EBF3: variants seen among roughly 807,000 people sequenced by gnomAD.
EBF3 encodes transcription factor COE3.
A neutral mutation model predicts 77.1 loss-of-function variants in EBF3; 18 were observed. The ratio of observed to expected loss-of-function variants is 0.23; its 90% CI spans 0.16 to 0.35. EBF3 has a LOEUF of 0.35. EBF3 is among the 10% of genes least tolerant of loss of function. The pLI, the probability that EBF3 is intolerant of heterozygous loss-of-function variation, is 1.00. For missense variants in EBF3, 558 were observed against 860.0 expected, an observed-to-expected ratio of 0.65 and a Z score of 4.39; for synonymous variants, 350 against 343.5, an observed-to-expected ratio of 1.02 and a Z score of -0.21.
chr10:129,946,204 C>T (rs1028611270), intron 6 of EBF3, among the ~76,000 whole-genome samples: 14 of 152,204 alleles, frequency 9.2e-5, no homozygotes, highest in African/African-American at 3.4e-4. Flanking sequence ...CGCGCGGACC[C>T]GCCCTGGCGA....
intron 6 of EBF3, among the ~76,000 whole-genome samples, chr10:129,887,672 G>A (rs376107288): frequency 1.6e-4 from 24 of 152,148 alleles, no homozygotes; most frequent in African/African-American, 5.6e-4. Flanking sequence ...ATAATTCAGG[G>A]TGAGAGATGG....
At chr10:129,889,006 CT>C (rs993498626) in intron 6 of EBF3, among the ~76,000 whole-genome samples, 1 of 152,228 alleles carries the variant, frequency 6.6e-6, no homozygotes, top group Non-Finnish European at 1.5e-5. Context: ...CCGGGAACCC[CT>C]GTCCCCTCCC....
intron 6 of EBF3, among the ~76,000 whole-genome samples, chr10:129,942,876 G>A (rs963335410): frequency 2.6e-5 from 4 of 152,208 alleles, no homozygotes; most frequent in Non-Finnish European, 5.9e-5. Flanking sequence ...AATTTTCTGT[G>A]CAGAACGCTC....
intron 8 of EBF3, among the ~76,000 whole-genome samples, chr10:129,868,626 C>A (rs1039680582): frequency 6.6e-6 from 1 of 151,896 alleles, no homozygotes; most frequent in African/African-American, 2.4e-5. Context: ...GTTGGGGGCA[C>A]ACAGACAGCA....
At chr10:129,926,369 G>A (rs1036405058) in intron 6 of EBF3, among the ~76,000 whole-genome samples, 1 of 152,220 alleles carries the variant, frequency 6.6e-6, no homozygotes, top group Admixed American at 6.5e-5. Context: ...ACACGGCCTG[G>A]CTGGTGTGAA....
rs1851609542 is a variant in EBF3 at position 129,861,189 on chromosome 10, G to A, written c.1039+5952C>T. 6.6e-6 allele frequency among the ~76,000 whole-genome samples: 1 copy of A among 152,146 alleles called. No homozygotes were observed. The highest frequency in any genetic ancestry group is 2.4e-5 in the African/African-American group (1 of 41,422). On this transcript the variant is annotated intron_variant, in intron 10 of 16. Coordinates refer to ENST00000440978, the MANE Select transcript of EBF3 (RefSeq NM_001375380.1). The surrounding 1 kb of genome is among the most constrained non-coding windows in gnomAD (Gnocchi z 4.3). ...CGTAGCAGTGGGGAGGACAGCGGTG[G>A]GAGCCTGCCCTCCCTCCCTTCCTTT...
chr10:129,851,374 G>T (rs749872609), intron 10 of EBF3, among the ~76,000 whole-genome samples: 8 of 152,200 alleles, frequency 5.3e-5, no homozygotes, highest in Non-Finnish European at 1.0e-4. Flanking sequence ...TCAGCATCTG[G>T]AGAGCCGTAA....
rs1339555063 is a variant in EBF3, at chr10:129,848,777, A to C, written c.1040-297T>G. Among the ~76,000 whole-genome samples, 1 of 152,214 alleles carries C rather than the reference A, an allele frequency of 6.6e-6. No individual in the cohort carries two copies. Among genetic ancestry groups the C allele is most frequent in the Admixed American group, 6.5e-5 (1 of 15,286 alleles). ...ACAGGTCTTGGGGCCATATGTAGCA[A>C]TCACCACCATCACGATGTGATGTCT... On this transcript the variant is annotated intron_variant, in intron 10 of 16. Transcript: ENST00000440978. This position sits in a 1 kb window ranked among gnomAD's most constrained non-coding sequence, Gnocchi z 4.4.
chr10:129,900,103 T>C (rs976367786), intron 6 of EBF3, among the ~76,000 whole-genome samples: 2 of 152,212 alleles, frequency 1.3e-5, no homozygotes. Context: ...CTCCGGTGTT[T>C]CCATGTTCAT....
intron 6 of EBF3, among the ~76,000 whole-genome samples, chr10:129,937,134 C>T (rs1857417836): frequency 6.6e-6 from 1 of 152,176 alleles, no homozygotes; most frequent in South Asian, 2.1e-4. Flanking sequence ...GAAAGTGGGA[C>T]AGCAATCGTG....
intron 6 of EBF3, among the ~76,000 whole-genome samples, chr10:129,919,603 A>G (rs1284778264): frequency 3.3e-5 from 5 of 152,312 alleles, no homozygotes; most frequent in South Asian, 4.1e-4. Context: ...TGCCCTTGGT[A>G]AGCCTGACTG....
chr10:129,911,326 G>A (rs1332948193), intron 6 of EBF3, among the ~76,000 whole-genome samples: 1 of 152,182 alleles, frequency 6.6e-6, no homozygotes, highest in Non-Finnish European at 1.5e-5. Flanking sequence ...TAGAAGCATT[G>A]CAGAGCCACA....
chr10:129,842,104 A>T lies in EBF3; in HGVS notation c.1372+12T>A. Reference sequence around the variant, plus strand: ...CGTTCAGGGCAGGGGTCCTCCCAGCATGCTGGCATACCTTGGTCGTTGGCT... The same window carrying T: ...CGTTCAGGGCAGGGGTCCTCCCAGCTTGCTGGCATACCTTGGTCGTTGGCT... On this transcript the variant is annotated intron_variant, in intron 13 of 16. Coordinates refer to ENST00000440978, the MANE Select transcript of EBF3 (RefSeq NM_001375380.1). The surrounding 1 kb of genome is among the most constrained non-coding windows in gnomAD (Gnocchi z 4.4). 1.2e-6 allele frequency: 2 copies of T among 1,614,166 alleles called. No homozygotes were observed. Among genetic ancestry groups the T allele is most frequent in the Non-Finnish European group, 1.7e-6 (2 of 1,180,026 alleles).
chr10:129,947,549 T>C lies in EBF3; in HGVS notation c.554+9709A>G, dbSNP rs578157482. The stretch of plus-strand genomic sequence containing the variant: ...ATCATTTTCCTTTTATGGCCTATAC[T>C]ATTTACATATTCCAAAATAGTATTA... On this transcript the variant is annotated intron_variant, in intron 6 of 16. Transcript: ENST00000440978. The surrounding 1 kb of genome is among the most constrained non-coding windows in gnomAD (Gnocchi z 4.5). Among the ~76,000 whole-genome samples, 421 of 152,356 alleles carry C rather than the reference T, an allele frequency of 2.8e-3. 6 individuals carry two copies. The highest frequency in any genetic ancestry group is 6.0e-4 in the Non-Finnish European group (41 of 68,036).
Position 129,858,705 on chromosome 10 carries a change from G to A in EBF3, c.1039+8436C>T, listed in dbSNP as rs186851695. Among the ~76,000 whole-genome samples, 152 of 152,182 alleles carry A rather than the reference G, an allele frequency of 1.0e-3. 1 individual carries two copies. Among genetic ancestry groups the A allele is most frequent in the South Asian group, 1.7e-3 (8 of 4,808 alleles). On this transcript the variant is annotated intron_variant, in intron 10 of 16. Coordinates refer to ENST00000440978, the MANE Select transcript of EBF3 (RefSeq NM_001375380.1). ...TCGCAGAATCCACCCTCCCTAATCC[G>A]ACCCCCTGGATTTCCTGACTTTAGG...
At chr10:129,942,738 T>C (rs1857862499) in intron 6 of EBF3, among the ~76,000 whole-genome samples, 1 of 152,230 alleles carries the variant, frequency 6.6e-6, no homozygotes, top group African/African-American at 2.4e-5. Context: ...CATTGGAATG[T>C]ACCATCAGTA....
rs1051940726 is a variant in EBF3 at position 129,938,075 on chromosome 10, C to T, written c.554+19183G>A. 6.6e-6 allele frequency among the ~76,000 whole-genome samples: 1 copy of T among 152,270 alleles called. No homozygotes were observed. The highest frequency in any genetic ancestry group is 2.4e-5 in the African/African-American group (1 of 41,552). On this transcript the variant is annotated intron_variant, in intron 6 of 16. Coordinates refer to ENST00000440978, the MANE Select transcript of EBF3 (RefSeq NM_001375380.1). This position sits in a 1 kb window ranked among gnomAD's most constrained non-coding sequence, Gnocchi z 5.1. ...CATACACAATCATACTCCACAACCA[C>T]GCAAACTGTAAAGAGACCACCATGT...
In EBF3 at chr10:129,944,338, A is replaced by T. The variant is rs1199771798; in HGVS notation, c.554+12920T>A. On this transcript the variant is annotated intron_variant, in intron 6 of 16. Coordinates refer to ENST00000440978, the MANE Select transcript of EBF3 (RefSeq NM_001375380.1). This position sits in a 1 kb window ranked among gnomAD's most constrained non-coding sequence, Gnocchi z 5.1. Reference sequence around the variant, plus strand: ...CTTGGTGGCTGGACATGCAGGGAACATTTTTATTGTTAATCAATGCCAATC... The same window carrying T: ...CTTGGTGGCTGGACATGCAGGGAACTTTTTTATTGTTAATCAATGCCAATC... 3.3e-5 allele frequency among the ~76,000 whole-genome samples: 5 copies of T among 152,308 alleles called. No individual in the cohort carries two copies. Among genetic ancestry groups the T allele is most frequent in the Admixed American group, 6.5e-5 (1 of 15,300 alleles).
chr10:129,884,246 G>A (rs766668147), intron 6 of EBF3, among the ~76,000 whole-genome samples: 2 of 152,128 alleles, frequency 1.3e-5, no homozygotes, highest in Non-Finnish European at 2.9e-5. Context: ...GGGTTCGGGC[G>A]CTTCAGAGAC....
Sources: allele counts gnomAD v4.1 joint callset (sites outside exome capture counted in the v4.1 genomes callset), GRCh38; gene constraint gnomAD v4.1.1; non-coding constraint Gnocchi (gnomAD v3.1); transcripts MANE v1.5; gene names NCBI Gene and HGNC (gene_info 2026-07-23, HGNC 2026-07-21).